The following TTC28 variants were observed in gnomAD, a reference collection of about 807,000 sequenced individuals.
The protein encoded by TTC28 is tetratricopeptide repeat domain 28, also known as tetratricopeptide repeat protein 28.
A neutral mutation model predicts 198.0 loss-of-function variants in TTC28; 61 were observed. That is an observed-to-expected ratio of 0.31 (90% confidence interval 0.25 to 0.38). The LOEUF is 0.38. Ranked by LOEUF, TTC28 falls within the 10% of genes least tolerant of loss-of-function variation. The pLI, the probability that TTC28 is intolerant of heterozygous loss-of-function variation, is 1.00. For missense variants in TTC28, 2,678 were observed against 3,164.0 expected, an observed-to-expected ratio of 0.85 and a Z score of 3.69; for synonymous variants, 1,171 against 1,297.8, an observed-to-expected ratio of 0.90 and a Z score of 2.10.
chr22:28,366,919 G>A (rs1208184735), intron 2 of TTC28, among the ~76,000 whole-genome samples: 1 of 151,982 alleles, frequency 6.6e-6, no homozygotes, highest in East Asian at 1.9e-4. Context: ...CCCAACACCA[G>A]AGCACCAAGA....
intron 12 of TTC28, among the ~76,000 whole-genome samples, chr22:28,083,970 G>A (rs911037855): frequency 2.0e-5 from 3 of 152,256 alleles, no homozygotes; most frequent in African/African-American, 7.2e-5. Flanking sequence ...TGGGAGGGGC[G>A]CCTGCCATTG....
At chr22:28,617,498 A>C (rs1199631063) in intron 2 of TTC28, among the ~76,000 whole-genome samples, 1 of 152,028 alleles carries the variant, frequency 6.6e-6, no homozygotes, top group Non-Finnish European at 1.5e-5. Context: ...ATCTCAAGAA[A>C]AGAAATAAAG....
chr22:28,076,531 T>TTGTGACAC (rs1280866214), intron 12 of TTC28, among the ~76,000 whole-genome samples: 2 of 152,178 alleles, frequency 1.3e-5, no homozygotes, highest in African/African-American at 4.8e-5. Flanking sequence ...AATCTTTGGA[T>TTGTGACAC]TGTGACACTC....
At position 28,001,367 on chromosome 22, in the gene TTC28, G is replaced by C; in HGVS notation, c.4398+7C>G. 6.5e-7 allele frequency: 1 copy of C among 1,542,674 alleles called. No homozygotes were observed. Among genetic ancestry groups the C allele is most frequent in the Non-Finnish European group, 8.8e-7 (1 of 1,139,818 alleles). On this transcript the variant is annotated splice_region_variant and intron_variant, in intron 15 of 22. Coordinates refer to ENST00000397906, the MANE Select transcript of TTC28 (RefSeq NM_001145418.2). ...CCCCGGCCCCCCACCATGTGTGTGA[G>C]CCTTACCTTGGACTGCACGCTGAGG...
At chr22:28,347,892 C>T (rs2045933207) in intron 2 of TTC28, among the ~76,000 whole-genome samples, 1 of 152,232 alleles carries the variant, frequency 6.6e-6, no homozygotes, top group South Asian at 2.1e-4. Flanking sequence ...AAGAACAGCA[C>T]CTACGCTGTC....
At chr22:28,605,702 G>A (rs1038802915) in intron 2 of TTC28, among the ~76,000 whole-genome samples, 3 of 152,112 alleles carry the variant, frequency 2.0e-5, no homozygotes, top group African/African-American at 7.2e-5. Flanking sequence ...ACTAAAAAAC[G>A]TTAAATTGGT....
chr22:28,367,168 G>A (rs2033436491), intron 2 of TTC28, among the ~76,000 whole-genome samples: 2 of 151,906 alleles, frequency 1.3e-5, no homozygotes, highest in Non-Finnish European at 2.9e-5. Context: ...GTCATTCTCA[G>A]GGATAGACCA....
At chr22:28,563,139 GAAT>G (rs1261321266) in intron 2 of TTC28, among the ~76,000 whole-genome samples, 1 of 151,610 alleles carries the variant, frequency 6.6e-6, no homozygotes, top group Non-Finnish European at 1.5e-5. Context: ...ATAAGAAGAA[GAAT>G]AAGATAGAAA....
At chr22:28,069,207 C>T (rs1940869547) in intron 12 of TTC28, among the ~76,000 whole-genome samples, 1 of 152,202 alleles carries the variant, frequency 6.6e-6, no homozygotes, top group Middle Eastern at 3.2e-3. Context: ...CATGTTGGCA[C>T]TCTGTTTTTC....
At chr22:27,999,381 T>A (rs749178000) in intron 15 of TTC28, 121 bp from the exon 16 acceptor site, 9 of 1,373,560 alleles carry the variant, frequency 6.6e-6, no homozygotes, top group Non-Finnish European at 8.7e-6. Flanking sequence ...TCCACCTGTT[T>A]CCCCAGTCAC....
chr22:28,124,171 G>GTTA (rs747959080), intron 6 of TTC28, among the ~76,000 whole-genome samples: 1 of 123,572 alleles, frequency 8.1e-6, no homozygotes, highest in East Asian at 2.3e-4. Context: ...ATCTCTCTTT[G>GTTA]TTGTTGTTGT....
intron 5 of TTC28, among the ~76,000 whole-genome samples, chr22:28,283,870 G>C (rs539218008): frequency 6.6e-6 from 1 of 152,194 alleles, no homozygotes; most frequent in Middle Eastern, 3.4e-3. Context: ...TATTGAATGT[G>C]AATTTTAGAT....
At chr22:28,114,826 T>C (rs2146923083) in intron 6 of TTC28, among the ~76,000 whole-genome samples, 1 of 152,310 alleles carries the variant, frequency 6.6e-6, no homozygotes, top group East Asian at 1.9e-4. Context: ...GCTCAAGTTA[T>C]CTTCCTGCCT....
Position 27,999,080 on chromosome 22 carries a change from C to T in TTC28, c.4579G>A (p.Val1527Met), listed in dbSNP as rs1291067801. 2.6e-6 allele frequency: 4 copies of T among 1,550,606 alleles called. No individual in the cohort carries two copies. Among genetic ancestry groups the T allele is most frequent in the Non-Finnish European group, 3.5e-6 (4 of 1,147,002 alleles). Reference sequence around the variant, plus strand: ...CTCATGACCCTCTCCTTGGTGGCCACACTGCCCACTAGGGGCTGGCAGCCC... The same window carrying T: ...CTCATGACCCTCTCCTTGGTGGCCATACTGCCCACTAGGGGCTGGCAGCCC... Reference protein sequence around the residue: ...LLGCQPLVGSVATKERVMSAL... With the variant: ...LLGCQPLVGSMATKERVMSAL... Residue 1527 changes from valine (V) to methionine (M), a missense_variant, in exon 16 of 23, where the codon GTG becomes ATG. This residue lies in a region of TTC28 where 727 missense variants were observed against 861.9 expected (regional missense o/e 0.84). Transcript: ENST00000397906.
chr22:28,381,509 A>G (rs1173710903), intron 2 of TTC28, among the ~76,000 whole-genome samples: 1 of 152,152 alleles, frequency 6.6e-6, no homozygotes, highest in Non-Finnish European at 1.5e-5. Context: ...GCATTTTAGT[A>G]ACCTGGCATT....
intron 2 of TTC28, among the ~76,000 whole-genome samples, chr22:28,433,550 G>A (rs148109491): frequency 7.9e-5 from 12 of 152,092 alleles, no homozygotes; most frequent in Non-Finnish European, 1.6e-4. Flanking sequence ...CAAAAGCCTA[G>A]GCTAAAACAA....
At chr22:28,226,074 G>A (rs1323679629) in intron 5 of TTC28, among the ~76,000 whole-genome samples, 1 of 152,128 alleles carries the variant, frequency 6.6e-6, no homozygotes, top group Non-Finnish European at 1.5e-5. Context: ...CCAGTTTTTG[G>A]CTATTATAGA....
At chr22:28,674,817 CAAAAAAAAAAA>C (rs34351638) in intron 1 of TTC28, among the ~76,000 whole-genome samples, 1 of 96,586 alleles carries the variant, frequency 1.0e-5, no homozygotes, top group Non-Finnish European at 2.1e-5. Context: ...ACTCTGTCTC[CAAAAAAAAAAA>C]AAAAAAAAGG....
intron 5 of TTC28, among the ~76,000 whole-genome samples, chr22:28,174,617 G>C (rs1039824628): frequency 5.3e-5 from 8 of 152,150 alleles, no homozygotes; most frequent in Non-Finnish European, 7.3e-5. Flanking sequence ...GGTGGCTGAG[G>C]CAGGAAGACT....
Sources: gnomAD v4.1 joint callset for allele counts (sites outside exome capture counted in the v4.1 genomes callset) on GRCh38, gnomAD v4.1.1 for gene constraint, gnomAD v4.1.1 regional missense constraint, MANE v1.5 for transcripts, NCBI Gene and HGNC (gene_info 2026-07-23, HGNC 2026-07-21) for gene names.